Variants in C1orf105 observed in about 807,000 individuals in gnomAD.
The protein encoded by C1orf105 is uncharacterized protein C1orf105.
A neutral mutation model predicts 20.8 loss-of-function variants in C1orf105; 17 were observed. The observed-to-expected ratio is 0.82, with a 90% CI of 0.56 to 1.23. The LOEUF (loss-of-function observed/expected upper bound fraction) is 1.23. C1orf105 is among the 50% of genes most tolerant of loss of function. The probability of loss-of-function intolerance (pLI) is 0.00; values close to 1 mark genes in which losing one functional copy is unlikely to be tolerated. For synonymous variants in C1orf105, 72 were observed against 72.1 expected (o/e 1.00, Z 0.01); for missense variants, 219 against 213.5 (o/e 1.03, Z -0.16).
At position 172,442,504 on chromosome 1, in the gene C1orf105, T is replaced by C. The variant is rs779814454; in HGVS notation, c.22-2569T>C. On this transcript the variant is annotated intron_variant, in intron 1 of 6. Coordinates refer to ENST00000367727, the MANE Select transcript of C1orf105 (RefSeq NM_139240.4). ...ATATTGGTATTTCCGAGCATGGATG[T>C]TTTTCCGGAGCTCTTCCAGGAATCG... The C allele has an allele frequency of 2.7e-5, 43 of 1,614,026 alleles. 1 individual carries two copies. The Admixed American group carries it at 3.2e-4, about 12-fold the overall frequency.
At chr1:172,457,887 T>C in intron 4 of C1orf105, among the ~76,000 whole-genome samples, 1 of 152,198 alleles carries the variant, frequency 6.6e-6, no homozygotes, top group East Asian at 1.9e-4. Flanking sequence ...GGTGATAAAC[T>C]ACAGAAAGTT....
At chr1:172,421,766 C>T (rs1308300237) in intron 1 of C1orf105, among the ~76,000 whole-genome samples, 1 of 152,166 alleles carries the variant, frequency 6.6e-6, no homozygotes, top group Admixed American at 6.5e-5. Flanking sequence ...ATAAGAAAGA[C>T]AATCTTGAAT....
intron 2 of C1orf105, among the ~76,000 whole-genome samples, chr1:172,446,709 T>G (rs1186099819): frequency 6.6e-6 from 1 of 151,984 alleles, no homozygotes; most frequent in African/African-American, 2.4e-5. Flanking sequence ...TGGCAGAGGG[T>G]GGAGATCAGG....
At chr1:172,444,092 C>T in intron 1 of C1orf105, 1 of 996,624 alleles carries the variant, frequency 1.0e-6, no homozygotes, top group Non-Finnish European at 1.2e-6. Context: ...CCGGGTCCGC[C>T]GCAATCTCCT....
At chr1:172,453,089 A>G (rs1648835736) in intron 3 of C1orf105, 3 of 1,550,700 alleles carry the variant, frequency 1.9e-6, no homozygotes, top group Admixed American at 2.0e-5. Flanking sequence ...GTAGCCTGTC[A>G]CAGCTGCCTT....
chr1:172,435,332 T>C (rs751339073), intron 1 of C1orf105, among the ~76,000 whole-genome samples: 1 of 152,168 alleles, frequency 6.6e-6, no homozygotes, highest in Admixed American at 6.5e-5. Context: ...TGAATGTCGA[T>C]GCAAAAATCC....
At chr1:172,455,339 T>A (rs1272088706) in intron 3 of C1orf105, among the ~76,000 whole-genome samples, 1 of 152,114 alleles carries the variant, frequency 6.6e-6, no homozygotes, top group Non-Finnish European at 1.5e-5. Context: ...CCTCTTTCTG[T>A]TCCCCACACT....
intron 1 of C1orf105, among the ~76,000 whole-genome samples, chr1:172,433,605 A>G (rs1398061328): frequency 6.6e-6 from 1 of 152,234 alleles, no homozygotes; most frequent in Admixed American, 6.5e-5. Flanking sequence ...TGAAGGAAGC[A>G]CTAAACATGG....
At chr1:172,450,683 G>A (rs1246665192) in intron 3 of C1orf105, among the ~76,000 whole-genome samples, 1 of 152,320 alleles carries the variant, frequency 6.6e-6, no homozygotes, top group East Asian at 1.9e-4. Context: ...CAGGTCAAAG[G>A]GCAGAACTTT....
chr1:172,450,894 G>A (rs1210073973), intron 3 of C1orf105: 2 of 152,302 alleles, frequency 1.3e-5, no homozygotes. Context: ...AAAAGGAGAG[G>A]CAGGTCTGTC....
At chr1:172,443,216 C>T (rs1217970112) in intron 1 of C1orf105, 2 of 167,680 alleles carry the variant, frequency 1.2e-5, no homozygotes, top group African/African-American at 2.4e-5. Context: ...GCCTGTGTCT[C>T]ACATTGTATC....
chr1:172,457,002 T>C (rs1649323008), intron 4 of C1orf105, among the ~76,000 whole-genome samples: 1 of 151,870 alleles, frequency 6.6e-6, no homozygotes, highest in African/African-American at 2.4e-5. Flanking sequence ...TAACATATAG[T>C]GGAGAATGGT....
Position 172,456,498 on chromosome 1 carries a change from G to C in C1orf105, c.273+9G>C. The C allele has an allele frequency of 6.2e-7, 1 of 1,612,284 alleles. No homozygotes were observed. Among genetic ancestry groups the C allele is most frequent in the Non-Finnish European group, 8.5e-7 (1 of 1,179,562 alleles). ...GTCAAGAAATGAAAATGGTAGGCAA[G>C]GGGGAAGACAGAAATGGGCACAGGC... On this transcript the variant is annotated intron_variant, in intron 4 of 6. Coordinates refer to ENST00000367727, the MANE Select transcript of C1orf105 (RefSeq NM_139240.4).
chr1:172,464,481 G>T (rs931558194), intron 5 of C1orf105, among the ~76,000 whole-genome samples: 2 of 152,174 alleles, frequency 1.3e-5, no homozygotes, highest in African/African-American at 4.8e-5. Context: ...TGTAGAAGAG[G>T]TTTTGGCTTA....
intron 3 of C1orf105, among the ~76,000 whole-genome samples, chr1:172,450,057 A>G (rs769240205): frequency 2.0e-5 from 3 of 152,182 alleles, no homozygotes; most frequent in Non-Finnish European, 2.9e-5. Context: ...CCAGCAGGGT[A>G]TAGCGGTTTT....
At chr1:172,466,789 G>A (rs1650098376) in intron 6 of C1orf105, among the ~76,000 whole-genome samples, 1 of 152,182 alleles carries the variant, frequency 6.6e-6, no homozygotes, top group African/African-American at 2.4e-5. Context: ...GTTCTTGGAT[G>A]GCCCTGATTC....
At chr1:172,421,547 A>C (rs1558120202) in intron 1 of C1orf105, among the ~76,000 whole-genome samples, 2 of 152,204 alleles carry the variant, frequency 1.3e-5, no homozygotes, top group Admixed American at 6.5e-5. Context: ...TGATGAACCC[A>C]TGATAAAGTA....
Position 172,468,464 on chromosome 1 carries a change from G to GAAAACATTCACT in C1orf105, c.423_424insAAACATTCACTA (p.Arg141_Leu142insLysHisSerLeu). 1 of 1,613,288 alleles carries GAAAACATTCACT rather than the reference G, an allele frequency of 6.2e-7. No homozygotes were observed. The highest frequency in any genetic ancestry group is 8.5e-7 in the Non-Finnish European group (1 of 1,179,422). On this transcript the variant is annotated inframe_insertion, in exon 7 of 7. Transcript: ENST00000367727. The stretch of plus-strand genomic sequence containing the variant: ...TGTCATCCAGAAAGCATTCACTACA[G>GAAAACATTCACT]ACTGCCCATTCTGGGCCCCAGGACA...
chr1:172,437,835 G>A (rs971301873), intron 1 of C1orf105, among the ~76,000 whole-genome samples: 1 of 151,932 alleles, frequency 6.6e-6, no homozygotes, highest in African/African-American at 2.4e-5. Context: ...ATTCAATGTA[G>A]ATAAAAAAGC....
Sources: allele counts gnomAD v4.1 joint callset (sites outside exome capture counted in the v4.1 genomes callset), GRCh38; gene constraint gnomAD v4.1.1; transcripts MANE v1.5; gene names NCBI Gene and HGNC (gene_info 2026-07-23, HGNC 2026-07-21).